The following FUT9 variants were observed in gnomAD, a reference collection of about 807,000 sequenced individuals.
The protein encoded by FUT9 is 4-galactosyl-N-acetylglucosaminide 3-alpha-L-fucosyltransferase 9.
In FUT9, 15 loss-of-function variants were observed where a neutral mutation model predicts 29.7. The observed-to-expected ratio is 0.51, with a 90% CI of 0.34 to 0.78. FUT9 has a LOEUF of 0.78. FUT9 is among the 30% of genes least tolerant of loss of function. The pLI is 0.01. For missense variants in FUT9, 319 were observed against 425.4 expected, an observed-to-expected ratio of 0.75 and a Z score of 2.20; for synonymous variants, 169 against 153.7, an observed-to-expected ratio of 1.10 and a Z score of -0.74.
rs573044982 is a variant in FUT9 at position 96,211,473 on chromosome 6, C to T, written c.*7238C>T. The T allele has an allele frequency of 1.8e-5, 3 of 166,814 alleles. No homozygotes were observed. The South Asian group carries it at 6.2e-4, about 35-fold the overall frequency. 10.3% of individuals were successfully genotyped at this position (166,814 alleles called of 1,614,324 possible). A position where few individuals can be genotyped will look rare whatever the true frequency, so the allele number is the denominator to read the frequency against. ...TTCAGCTGGTCCACTAGTTTTGACA[C>T]AGGACTAGTTAATGATTTGTTAGGA... On this transcript the variant is annotated 3_prime_UTR_variant, in exon 3 of 3. Transcript: ENST00000302103.
At chr6:96,199,978 A>G (rs2127990749) in intron 2 of FUT9, among the ~76,000 whole-genome samples, 1 of 152,298 alleles carries the variant, frequency 6.6e-6, no homozygotes, top group African/African-American at 2.4e-5. Flanking sequence ...AACCTGGGGA[A>G]TCAGTGATCT....
chr6:96,045,096 C>G (rs569119889), intron 1 of FUT9, among the ~76,000 whole-genome samples: 3 of 152,230 alleles, frequency 2.0e-5, no homozygotes, highest in Middle Eastern at 3.4e-3. Context: ...GGGAGTTAAA[C>G]ATGCCACAGA....
At chr6:96,047,192 T>C (rs1337534752) in intron 1 of FUT9, among the ~76,000 whole-genome samples, 1 of 152,166 alleles carries the variant, frequency 6.6e-6, no homozygotes, top group Non-Finnish European at 1.5e-5. Context: ...GAAAATGTTA[T>C]GGAGAAATGG....
chr6:96,128,030 A>C (rs181784628), intron 2 of FUT9, among the ~76,000 whole-genome samples: 1 of 152,082 alleles, frequency 6.6e-6, no homozygotes, highest in East Asian at 1.9e-4. Context: ...TCTTTATTTT[A>C]ATTAGATTCC....
intron 1 of FUT9, among the ~76,000 whole-genome samples, chr6:96,084,924 G>T (rs1771291362): frequency 6.6e-6 from 1 of 151,952 alleles, no homozygotes; most frequent in Non-Finnish European, 1.5e-5. Flanking sequence ...TTTATATAAA[G>T]GATATTATGA....
chr6:96,203,412 T>A lies in FUT9; in HGVS notation c.257T>A (p.Phe86Tyr). The change falls in exon 3 of 3, where the codon TTC (phenylalanine) becomes TAC (tyrosine). Residue 86 changes from phenylalanine to tyrosine, a missense_variant. Phe to Tyr is a conservative substitution (Grantham distance 22). Transcript: ENST00000302103. ...GACCTTACATCCTGCCAAGCAATGT[T>A]CAACATCCAAGGATGCCATCTCACA... ...TFDLTSCQAMFNIQGCHLTTD... is the reference protein window; with the variant it reads ...TFDLTSCQAMYNIQGCHLTTD... 6.2e-7 allele frequency: 1 copy of A among 1,609,670 alleles called. No homozygotes were observed. The highest frequency in any genetic ancestry group is 8.5e-7 in the Non-Finnish European group (1 of 1,177,156).
chr6:96,088,072 CTTATCT>C (rs1346188639), intron 1 of FUT9, among the ~76,000 whole-genome samples: 2 of 151,888 alleles, frequency 1.3e-5, no homozygotes, highest in East Asian at 3.9e-4. Flanking sequence ...TGCTGTCATT[CTTATCT>C]TTATTTCCTA....
At chr6:96,094,783 T>C (rs1771468018) in intron 1 of FUT9, among the ~76,000 whole-genome samples, 1 of 152,114 alleles carries the variant, frequency 6.6e-6, no homozygotes. Flanking sequence ...CAAAGTTTTT[T>C]TCTTCATTTT....
intron 1 of FUT9, among the ~76,000 whole-genome samples, chr6:96,067,834 A>C (rs750554084): frequency 6.6e-6 from 1 of 152,158 alleles, no homozygotes; most frequent in Non-Finnish European, 1.5e-5. Flanking sequence ...CAATTTCCTC[A>C]AATTTTGTGC....
rs201275847 is a variant in FUT9, at chr6:96,082,183, CT to C, written c.-97-31852del. On this transcript the variant is annotated intron_variant, in intron 1 of 2. Transcript: ENST00000302103. ...TTTAAGTAAATATATCAATATTTTCCTTTTGAGTTTGGATTTTTTTTATTAT... is the reference window on the plus strand; with the variant it reads ...TTTAAGTAAATATATCAATATTTTCCTTTGAGTTTGGATTTTTTTTATTAT... Among the ~76,000 whole-genome samples, 909 of 151,302 alleles carry C rather than the reference CT, an allele frequency of 6.0e-3. 14 individuals carry two copies. The highest frequency in any genetic ancestry group is 0.021 in the African/African-American group (869 of 41,344).
intron 2 of FUT9, among the ~76,000 whole-genome samples, chr6:96,191,821 G>T (rs963114685): frequency 2.0e-5 from 3 of 152,064 alleles, no homozygotes; most frequent in African/African-American, 7.2e-5. Context: ...CTGGCAAACC[G>T]AATCCAGCAG....
At chr6:96,175,313 T>G (rs1339881630) in intron 2 of FUT9, among the ~76,000 whole-genome samples, 1 of 152,182 alleles carries the variant, frequency 6.6e-6, no homozygotes, top group Non-Finnish European at 1.5e-5. Context: ...AGCTCTGTCT[T>G]TACTGAGTAA....
chr6:96,170,021 C>A (rs990145148), intron 2 of FUT9, among the ~76,000 whole-genome samples: 3 of 152,092 alleles, frequency 2.0e-5, no homozygotes, highest in African/African-American at 7.2e-5. Context: ...GACTCATTTG[C>A]AGTTCTAACT....
intron 1 of FUT9, among the ~76,000 whole-genome samples, chr6:96,084,607 C>T (rs1771287212): frequency 6.6e-6 from 1 of 152,066 alleles, no homozygotes; most frequent in Non-Finnish European, 1.5e-5. Context: ...ATTAGCAACA[C>T]AGTAAATGTG....
chr6:96,189,852 CTT>C (rs1773473624), intron 2 of FUT9, among the ~76,000 whole-genome samples: 2 of 152,138 alleles, frequency 1.3e-5, no homozygotes, highest in Admixed American at 1.3e-4. Context: ...GGTCTTGACT[CTT>C]TATCCATTTT....
chr6:96,069,217 A>G (rs1280563775), intron 1 of FUT9, among the ~76,000 whole-genome samples: 1 of 152,072 alleles, frequency 6.6e-6, no homozygotes, highest in Non-Finnish European at 1.5e-5. Flanking sequence ...CGGGAGGCAC[A>G]GGCAGGAGCA....
intron 1 of FUT9, among the ~76,000 whole-genome samples, chr6:96,026,264 T>G (rs1272835451): frequency 6.6e-6 from 1 of 151,772 alleles, no homozygotes; most frequent in African/African-American, 2.4e-5. Context: ...ATGTTCATCC[T>G]TGCTATTTCC....
rs1490815322 is a variant in FUT9 at position 96,208,614 on chromosome 6, A to T, written c.*4379A>T. The T allele has an allele frequency of 6.0e-6, 1 of 166,794 alleles. No individual in the cohort carries two copies. The highest frequency in any genetic ancestry group is 1.5e-5 in the Non-Finnish European group (1 of 67,994). The allele number at this position is 166,794 out of a possible 1,614,324, so 10.3% of individuals were successfully genotyped here. On this transcript the variant is annotated 3_prime_UTR_variant, in exon 3 of 3. Coordinates refer to ENST00000302103, the MANE Select transcript of FUT9 (RefSeq NM_006581.4). ...TTTATTTTGTTAGTTTGTCACCTGGATGCAAAAGGAAGGCATTTTAATTCC... is the reference window on the plus strand; with the variant it reads ...TTTATTTTGTTAGTTTGTCACCTGGTTGCAAAAGGAAGGCATTTTAATTCC...
At position 96,209,987 on chromosome 6, in the gene FUT9, A is replaced by G. The variant is rs1237424087; in HGVS notation, c.*5752A>G. On this transcript the variant is annotated 3_prime_UTR_variant, in exon 3 of 3. Coordinates refer to ENST00000302103, the MANE Select transcript of FUT9 (RefSeq NM_006581.4). ...CCTGTCCTAAACTAGCAGTTCTCAAACATGCATATGCCTTTGAAACTTCCT... is the reference window on the plus strand; with the variant it reads ...CCTGTCCTAAACTAGCAGTTCTCAAGCATGCATATGCCTTTGAAACTTCCT... The G allele has an allele frequency of 1.2e-5, 2 of 166,828 alleles. No individual in the cohort carries two copies. Among genetic ancestry groups the G allele is most frequent in the Non-Finnish European group, 2.9e-5 (2 of 68,050 alleles). The allele number at this position is 166,828 out of a possible 1,614,324, so 10.3% of individuals were successfully genotyped here. A position where few individuals can be genotyped will look rare whatever the true frequency, so the allele number is the denominator to read the frequency against.
Sources: gnomAD v4.1 joint callset for allele counts (sites outside exome capture counted in the v4.1 genomes callset) on GRCh38, gnomAD v4.1.1 for gene constraint, MANE v1.5 for transcripts, NCBI Gene and HGNC (gene_info 2026-07-23, HGNC 2026-07-21) for gene names.